Variants in GRIP1 observed in about 807,000 individuals in gnomAD.
The protein encoded by GRIP1 is glutamate receptor interacting protein 1.
GRIP1 carries 45 observed loss-of-function variants against 129.9 expected under a neutral mutation model. The observed-to-expected ratio is 0.35, with a 90% CI of 0.27 to 0.44. GRIP1 has a LOEUF of 0.44. Ranked by LOEUF, GRIP1 falls within the 20% of genes least tolerant of loss-of-function variation. The pLI, the probability that GRIP1 is intolerant of heterozygous loss-of-function variation, is 1.00. For missense variants in GRIP1, 1,196 were observed against 1,396.8 expected (o/e 0.86, Z 2.29); for synonymous variants, 530 against 520.8 (o/e 1.02, Z -0.24).
intron 1 of GRIP1, among the ~76,000 whole-genome samples, chr12:66,766,411 T>C (rs1201186184): frequency 6.6e-6 from 1 of 152,188 alleles, no homozygotes; most frequent in African/African-American, 2.4e-5. Context: ...CTCCCTTCCT[T>C]GCTCTTTGCC....
chr12:66,755,375 C>T (rs2037255358), intron 1 of GRIP1, among the ~76,000 whole-genome samples: 2 of 152,150 alleles, frequency 1.3e-5, no homozygotes, highest in Admixed American at 1.3e-4. Context: ...TACATTCATG[C>T]TCTACATCCA....
chr12:66,352,638 C>G (rs2054286057), intron 24 of GRIP1, among the ~76,000 whole-genome samples: 1 of 147,662 alleles, frequency 6.8e-6, no homozygotes, highest in Non-Finnish European at 1.5e-5. Context: ...GAGGCTGAGG[C>G]AGGAGAATCA....
intron 1 of GRIP1, among the ~76,000 whole-genome samples, chr12:66,719,265 G>A (rs1049088449): frequency 7.9e-5 from 12 of 152,026 alleles, no homozygotes; most frequent in African/African-American, 2.9e-4. Flanking sequence ...AATAATAACG[G>A]GAAAAAATTC....
At chr12:66,677,105 C>T (rs1480019) in intron 1 of GRIP1, among the ~76,000 whole-genome samples, 3,386 of 152,216 alleles carry the variant, frequency 0.022, 125 homozygotes, top group African/African-American at 0.077. Context: ...ATAGAGCAGA[C>T]ATAAAGATTT....
intron 7 of GRIP1, among the ~76,000 whole-genome samples, chr12:66,469,615 A>G (rs1365138154): frequency 6.6e-6 from 1 of 152,186 alleles, no homozygotes; most frequent in Middle Eastern, 3.2e-3. Flanking sequence ...ATTCTATCAT[A>G]GTAAGGTCCT....
At chr12:66,393,383 G>T (rs1422577496) in intron 17 of GRIP1, among the ~76,000 whole-genome samples, 2 of 151,630 alleles carry the variant, frequency 1.3e-5, no homozygotes, top group African/African-American at 2.4e-5. Flanking sequence ...TTCCCCATTG[G>T]CCAGGCTGGT....
chr12:66,464,523 G>T (rs1044238942), intron 8 of GRIP1, among the ~76,000 whole-genome samples: 7 of 152,114 alleles, frequency 4.6e-5, no homozygotes, highest in Non-Finnish European at 1.5e-5. Flanking sequence ...AAAGAAATCA[G>T]ATTTTATGGT....
At chr12:66,658,445 TATG>T (rs1859702562) in intron 1 of GRIP1, among the ~76,000 whole-genome samples, 1 of 152,116 alleles carries the variant, frequency 6.6e-6, no homozygotes, top group Admixed American at 6.5e-5. Context: ...TGCATGTGGA[TATG>T]ATAAGCAACC....
chr12:66,405,915 A>G (rs1485261996), intron 16 of GRIP1, among the ~76,000 whole-genome samples: 5 of 152,246 alleles, frequency 3.3e-5, no homozygotes, highest in Admixed American at 1.3e-4. Context: ...AATGTTTACA[A>G]TGTAAAATTA....
intron 1 of GRIP1, among the ~76,000 whole-genome samples, chr12:66,609,975 C>G (rs1050907782): frequency 1.3e-5 from 2 of 152,042 alleles, no homozygotes. Flanking sequence ...TTTTCTCTGA[C>G]TCAGTCTCAT....
intron 1 of GRIP1, among the ~76,000 whole-genome samples, chr12:66,947,208 G>A (rs1316674669): frequency 6.6e-6 from 1 of 152,116 alleles, no homozygotes; most frequent in Non-Finnish European, 1.5e-5. Flanking sequence ...AGTGTAGGTA[G>A]CAAATACTTT....
chr12:66,414,966 A>C (rs2057540629), intron 15 of GRIP1, among the ~76,000 whole-genome samples: 1 of 149,598 alleles, frequency 6.7e-6, no homozygotes, highest in East Asian at 1.9e-4. Context: ...AAATAAAATA[A>C]AATAAAATAA....
rs148078807 is a variant in GRIP1, at chr12:66,939,691, G to A, written c.58+129359C>T. Among the ~76,000 whole-genome samples, 758 of 151,534 alleles carry A rather than the reference G, an allele frequency of 5.0e-3. 9 individuals carry two copies. Among genetic ancestry groups the A allele is most frequent in the African/African-American group, 0.014 (598 of 41,346 alleles). ...TTTACTTAAAAACATTAAAGCTTTC[G>A]TCTGCCAAAAAAAAAAGTATTCCCA... On this transcript the variant is annotated intron_variant, in intron 1 of 1. Transcript: ENST00000643019.
chr12:66,836,827 C>A (rs1319098865), intron 1 of GRIP1, among the ~76,000 whole-genome samples: 1 of 152,146 alleles, frequency 6.6e-6, no homozygotes, highest in Non-Finnish European at 1.5e-5. Flanking sequence ...CCACCAAAAG[C>A]AGAAGTGATG....
At chr12:66,874,710 C>T (rs79586900) in intron 1 of GRIP1, among the ~76,000 whole-genome samples, 11,666 of 152,058 alleles carry the variant, frequency 0.077, 505 homozygotes, top group East Asian at 0.11. Context: ...TTCACTCACT[C>T]ACTATCATGA....
chr12:66,940,682 A>G (rs1019717390), intron 1 of GRIP1, among the ~76,000 whole-genome samples: 1 of 152,232 alleles, frequency 6.6e-6, no homozygotes, highest in Non-Finnish European at 1.5e-5. Context: ...CAGGAAAATC[A>G]TCAGGGTCAT....
chr12:66,583,589 T>C lies in GRIP1; in HGVS notation c.136+13258A>G, dbSNP rs1048861524. Among the ~76,000 whole-genome samples the C allele has an allele frequency of 2.9e-5, 4 of 137,992 alleles. 1 individual carries two copies. Among genetic ancestry groups the C allele is most frequent in the Non-Finnish European group, 6.4e-5 (4 of 62,600 alleles). The allele number at this position is 137,992 out of a possible 152,430, so 90.5% of individuals were successfully genotyped here. On this transcript the variant is annotated intron_variant, in intron 2 of 24. Transcript: ENST00000359742. ...AAAAACAAACAACCCCATCAAAAAGTGGGCGAAGGACGTGAACAGACACCT... is the reference window on the plus strand; with the variant it reads ...AAAAACAAACAACCCCATCAAAAAGCGGGCGAAGGACGTGAACAGACACCT...
At chr12:66,370,998 C>T (rs1255469270) in intron 23 of GRIP1, among the ~76,000 whole-genome samples, 1 of 152,082 alleles carries the variant, frequency 6.6e-6, no homozygotes, top group East Asian at 1.9e-4. Context: ...ATTAAGCCTC[C>T]CTGCATTGAA....
chr12:66,806,439 T>C (rs1364406324), upstream of GRIP1, among the ~76,000 whole-genome samples: 1 of 152,180 alleles, frequency 6.6e-6, no homozygotes, highest in Non-Finnish European at 1.5e-5. Flanking sequence ...TTCAAGTATA[T>C]GTGTCCCCCA....
Sources: gnomAD v4.1 joint callset for allele counts (sites outside exome capture counted in the v4.1 genomes callset) on GRCh38, gnomAD v4.1.1 for gene constraint, MANE v1.5 for transcripts, NCBI Gene and HGNC (gene_info 2026-07-23, HGNC 2026-07-21) for gene names.